WDR26: variants seen among roughly 807,000 people sequenced by gnomAD.
WDR26 encodes the protein WD repeat domain 26, also known as WD repeat-containing protein 26.
WDR26 carries 5 observed loss-of-function variants against 84.1 expected under a neutral mutation model. That is an observed-to-expected ratio of 0.06 (90% CI 0.03 to 0.13). WDR26 has a LOEUF of 0.13. Among genes scored for constraint, WDR26 ranks in the 10% least tolerant of loss-of-function variants. WDR26 has a pLI of 1.00. For synonymous variants in WDR26, 415 were observed against 389.6 expected (o/e 1.07, Z -0.77); for missense variants, 642 against 974.9 (o/e 0.66, Z 4.55).
chr1:224,404,071 C>A (rs542682799), intron 8 of WDR26, among the ~76,000 whole-genome samples: 2 of 152,222 alleles, frequency 1.3e-5, no homozygotes, highest in East Asian at 3.9e-4. Flanking sequence ...CCATCAGAAT[C>A]GAAAATTTGG....
intron 6 of WDR26, among the ~76,000 whole-genome samples, chr1:224,417,519 G>T (rs932602327): frequency 6.6e-6 from 1 of 152,092 alleles, no homozygotes; most frequent in Non-Finnish European, 1.5e-5. Context: ...GACCAGCTGG[G>T]GCAAGAGACC....
chr1:224,433,807 G>A lies in WDR26; in HGVS notation c.599C>T (p.Ala200Val). The A allele has an allele frequency of 2.0e-6, 3 of 1,536,954 alleles. No homozygotes were observed. Among genetic ancestry groups the A allele is most frequent in the Non-Finnish European group, 2.6e-6 (3 of 1,146,796 alleles). Residue 200 changes from alanine (A) to valine (V), a missense_variant, in exon 1 of 14, where the codon GCC becomes GTC. Physicochemically the swap from Ala to Val is moderately conservative, Grantham distance 64. Around this residue, in one of 2 missense-constraint regions of WDR26, gnomAD observed 291 missense variants for 302.1 expected, o/e 0.96. Transcript: ENST00000414423. ...TGGGGTGGCCAAGGAAGAGGAGGCG[G>A]CGGTGGTGGCGGAGGCAGCTGCGAC...
intron 12 of WDR26, among the ~76,000 whole-genome samples, chr1:224,396,621 C>T (rs1673268051): frequency 6.6e-6 from 1 of 152,200 alleles, no homozygotes; most frequent in South Asian, 2.1e-4. Flanking sequence ...ACTCTTCTTT[C>T]CTCCCAATCT....
intron 3 of WDR26, among the ~76,000 whole-genome samples, chr1:224,426,064 G>T (rs1213115442): frequency 1.3e-5 from 2 of 152,040 alleles, no homozygotes; most frequent in African/African-American, 4.8e-5. Context: ...TGCCATGTTG[G>T]CCAGGCTGGT....
chr1:224,407,151 A>AAAAATATATATATATATATATATATAT, intron 7 of WDR26, among the ~76,000 whole-genome samples: 1 of 11,870 alleles, frequency 8.4e-5, no homozygotes, highest in Non-Finnish European at 1.4e-4. Flanking sequence ...AAAAAAAAAA[A>AAAAATATATATATATATATATATATAT]ATATATATAT....
At chr1:224,410,694 CTTTTTTTTTT>C (rs397983007) in intron 7 of WDR26, among the ~76,000 whole-genome samples, 3 of 118,952 alleles carry the variant, frequency 2.5e-5, no homozygotes, top group African/African-American at 9.9e-5. Context: ...ATCTTTCTTT[CTTTTTTTTTT>C]TTTTTTTTTT....
At chr1:224,413,633 A>T (rs563446742) in intron 6 of WDR26, among the ~76,000 whole-genome samples, 1 of 152,322 alleles carries the variant, frequency 6.6e-6, no homozygotes, top group Non-Finnish European at 1.5e-5. Context: ...ATAATTTACC[A>T]GATGTTATAA....
rs1412373178 is a variant in WDR26, at chr1:224,419,566, C to T, written c.1114G>A (p.Glu372Lys). 6.2e-7 allele frequency: 1 copy of T among 1,614,082 alleles called. No individual in the cohort carries two copies. Among genetic ancestry groups the T allele is most frequent in the Non-Finnish European group, 8.5e-7 (1 of 1,179,976 alleles). Residue 372 changes from glutamate (E) to lysine (K), a missense_variant, in exon 5 of 14, where the codon GAA becomes AAA. Physicochemically the swap from Glu to Lys is moderately conservative, Grantham distance 56 (BLOSUM62 1). This residue lies in a region of WDR26 where 351 missense variants were observed against 672.8 expected (regional missense o/e 0.52). Transcript: ENST00000414423. Reference sequence around the variant, plus strand: ...GATCGGGAAGCTGTCCCTTTGCCTTCCCATTCTGCTTTTGCACGTAGGTCT... The same window carrying T: ...GATCGGGAAGCTGTCCCTTTGCCTTTCCATTCTGCTTTTGCACGTAGGTCT...
At chr1:224,398,341 A>G in intron 11 of WDR26, 115 bp from the exon 12 acceptor site, 1 of 1,388,404 alleles carries the variant, frequency 7.2e-7, no homozygotes, top group Non-Finnish European at 9.7e-7. Flanking sequence ...ATTATGCAAA[A>G]TACCAACATT....
Position 224,404,577 on chromosome 1 carries a change from G to T in WDR26, c.1459-7C>A. ...GTTTTAGCAGGTGTGTATCCTGGGAGGGAAAATAAACAATTCAGTTAACCC... is the reference window on the plus strand; with the variant it reads ...GTTTTAGCAGGTGTGTATCCTGGGATGGAAAATAAACAATTCAGTTAACCC... On this transcript the variant is annotated splice_polypyrimidine_tract_variant and splice_region_variant and intron_variant, in intron 7 of 13. Coordinates refer to ENST00000414423, the MANE Select transcript of WDR26 (RefSeq NM_001379403.1). 1 of 1,607,626 alleles carries T rather than the reference G, an allele frequency of 6.2e-7. No homozygotes were observed.
chr1:224,424,415 C>G, intron 4 of WDR26, 103 bp downstream of exon 4: 1 of 1,460,342 alleles, frequency 6.8e-7, no homozygotes, highest in Non-Finnish European at 9.2e-7. Flanking sequence ...AGACAAATAT[C>G]TAAGAATTTA....
intron 3 of WDR26, among the ~76,000 whole-genome samples, chr1:224,426,725 C>T (rs1002041058): frequency 7.9e-5 from 12 of 150,970 alleles, no homozygotes; most frequent in African/African-American, 2.7e-4. Context: ...TCTGGATATT[C>T]GCACCATTTT....
intron 6 of WDR26, among the ~76,000 whole-genome samples, chr1:224,412,722 A>G (rs1673773404): frequency 6.6e-6 from 1 of 152,258 alleles, no homozygotes; most frequent in African/African-American, 2.4e-5. Context: ...CTAATATGGT[A>G]GCCCTCACTA....
At chr1:224,400,883 T>C (rs539195545) in intron 9 of WDR26, 67 bp downstream of exon 9, 2 of 1,578,662 alleles carry the variant, frequency 1.3e-6, no homozygotes, top group Non-Finnish European at 1.7e-6. Flanking sequence ...GTCAAGGAAA[T>C]TGTTTAAACA....
At chr1:224,404,640 A>AC in intron 7 of WDR26, 70 bp from the exon 8 acceptor site, 2 of 1,524,894 alleles carry the variant, frequency 1.3e-6, no homozygotes, top group Non-Finnish European at 8.9e-7. Flanking sequence ...GTAAGAACTT[A>AC]AATAGCTACA....
Position 224,398,190 on chromosome 1 carries a change from C to T in WDR26, c.1981G>A (p.Val661Ile), listed in dbSNP as rs775555607. ...TGTGTAACACCTTGATACTTTCTTA[C>T]TAAAACTCTGTCTTGCAAGTCCCAT... The change falls in exon 12 of 14, where the codon GTA becomes ATA. Residue 661 changes from valine to isoleucine, a missense_variant. This residue lies in a region of WDR26 where 351 missense variants were observed against 672.8 expected (regional missense o/e 0.52). Transcript: ENST00000414423. 45 of 1,613,432 alleles carry T rather than the reference C, an allele frequency of 2.8e-5. No individual in the cohort carries two copies. The highest frequency in any genetic ancestry group is 2.2e-5 in the East Asian group (1 of 44,832).
intron 7 of WDR26, among the ~76,000 whole-genome samples, chr1:224,405,088 T>C (rs898689220): frequency 9.2e-5 from 14 of 152,040 alleles, no homozygotes; most frequent in African/African-American, 7.2e-5. Flanking sequence ...GCAGCTGCCA[T>C]ACCCCTCCCT....
In WDR26 at chr1:224,434,161, G is replaced by C; in HGVS notation, c.245C>G (p.Ala82Gly). 4 of 1,422,258 alleles carry C rather than the reference G, an allele frequency of 2.8e-6. No individual in the cohort carries two copies. Among genetic ancestry groups the C allele is most frequent in the Non-Finnish European group, 3.7e-6 (4 of 1,092,434 alleles). The allele number at this position is 1,422,258 out of a possible 1,614,324, so 88.1% of individuals were successfully genotyped here. ...ACTTCGGTGGGGGACAGCAGCGGCGGCGGGAGGGGCAGCAGCCGGGGGAAG... is the reference window on the plus strand; with the variant it reads ...ACTTCGGTGGGGGACAGCAGCGGCGCCGGGAGGGGCAGCAGCCGGGGGAAG... Residue 82 changes from alanine (A) to glycine (G), a missense_variant, in exon 1 of 14, where the codon GCC becomes GGC. Ala to Gly is a moderately conservative substitution (Grantham distance 60). This residue lies in a region of WDR26 where 291 missense variants were observed against 302.1 expected (regional missense o/e 0.96). Transcript: ENST00000414423.
rs1479278204 is a variant in WDR26 at position 224,389,833 on chromosome 1, C to G, written c.*2G>C. On this transcript the variant is annotated 3_prime_UTR_variant, in exon 14 of 14. Transcript: ENST00000414423. ...CAGAAGTCGTCTGCTCCAAATTCAC[C>G]ATCAACTATCCATGCTACTGCATTC... The G allele has an allele frequency of 7.4e-7, 1 of 1,346,426 alleles. No homozygotes were observed. Among genetic ancestry groups the G allele is most frequent in the East Asian group, 4.9e-5 (1 of 20,236 alleles). 83.4% of individuals were successfully genotyped at this position (1,346,426 alleles called of 1,614,324 possible).
Sources: allele counts gnomAD v4.1 joint callset (sites outside exome capture counted in the v4.1 genomes callset), GRCh38; gene constraint gnomAD v4.1.1; regional missense constraint gnomAD v4.1.1; transcripts MANE v1.5; gene names NCBI Gene and HGNC (gene_info 2026-07-23, HGNC 2026-07-21).